Variants in RASA2 observed in about 807,000 individuals in gnomAD.
RASA2 encodes the protein RAS p21 protein activator 2.
RASA2 carries 155 observed loss-of-function variants against 118.2 expected under a neutral mutation model. The ratio of observed to expected loss-of-function variants is 1.31; its 90% CI spans 1.15 to 1.50. The LOEUF (loss-of-function observed/expected upper bound fraction) is 1.50. RASA2 is among the 40% of genes most tolerant of loss of function. The pLI is 0.00. For synonymous variants in RASA2, 353 were observed against 349.1 expected (o/e 1.01, Z -0.12); for missense variants, 1,016 against 1,009.6 (o/e 1.01, Z -0.09).
intron 16 of RASA2, 29 bp from the exon 17 acceptor site, chr3:141,581,071 A>T: frequency 6.7e-7 from 1 of 1,496,530 alleles, no homozygotes; most frequent in Non-Finnish European, 8.9e-7. Flanking sequence ...TATTTAACAC[A>T]TATAAACCCT....
chr3:141,554,842 G>A (rs958847971), intron 6 of RASA2, among the ~76,000 whole-genome samples: 1 of 152,098 alleles, frequency 6.6e-6, no homozygotes, highest in Non-Finnish European at 1.5e-5. Context: ...CTATTAGAGA[G>A]ATTTATTTTT....
chr3:141,495,056 A>G (rs2081683730), intron 1 of RASA2, among the ~76,000 whole-genome samples: 1 of 152,258 alleles, frequency 6.6e-6, no homozygotes. Flanking sequence ...TTAAAAGACA[A>G]TAGATTGGGA....
chr3:141,538,244 T>A (rs1560017128), intron 4 of RASA2, among the ~76,000 whole-genome samples: 1 of 152,220 alleles, frequency 6.6e-6, no homozygotes, highest in Non-Finnish European at 1.5e-5. Context: ...GATTTGAGTT[T>A]CTAAAACTGA....
intron 19 of RASA2, among the ~76,000 whole-genome samples, chr3:141,593,259 C>G (rs1448798305): frequency 6.6e-6 from 1 of 152,116 alleles, no homozygotes; most frequent in East Asian, 1.9e-4. Flanking sequence ...GTTGGTCAGT[C>G]TGGTCTTGAA....
At position 141,573,181 on chromosome 3, in the gene RASA2, C is replaced by A; in HGVS notation, c.1319C>A (p.Pro440His). Residue 440 changes from proline to histidine, a missense_variant, in exon 13 of 24, where the codon CCT (proline) becomes CAT (histidine). Coordinates refer to ENST00000286364, the MANE Select transcript of RASA2 (RefSeq NM_006506.5). ...TCCTCAAAATCCTGTGAAATCGATCCTATTAAATTGAAAGAGGGAGATAAT... is the reference window on the plus strand; with the variant it reads ...TCCTCAAAATCCTGTGAAATCGATCATATTAAATTGAAAGAGGGAGATAAT... ...CDSSKSCEID[P>H]IKLKEGDNVE... 6.5e-7 allele frequency: 1 copy of A among 1,539,490 alleles called. No homozygotes were observed. Among genetic ancestry groups the A allele is most frequent in the Non-Finnish European group, 8.7e-7 (1 of 1,153,450 alleles).
chr3:141,500,661 A>G (rs900915084), intron 1 of RASA2, among the ~76,000 whole-genome samples: 3 of 152,202 alleles, frequency 2.0e-5, no homozygotes, highest in Admixed American at 6.5e-5. Flanking sequence ...TGATACTCAT[A>G]AAGTATCTTT....
At chr3:141,558,728 C>T (rs541279179) in intron 7 of RASA2, among the ~76,000 whole-genome samples, 158 bp from the exon 8 acceptor site, 1 of 151,860 alleles carries the variant, frequency 6.6e-6, no homozygotes, top group Non-Finnish European at 1.5e-5. Flanking sequence ...TCTGCTACTT[C>T]CATAGTTGCT....
At chr3:141,501,252 C>T (rs954519068) in intron 1 of RASA2, among the ~76,000 whole-genome samples, 1 of 152,086 alleles carries the variant, frequency 6.6e-6, no homozygotes, top group Non-Finnish European at 1.5e-5. Context: ...TAATAGAAAT[C>T]CATTGATTCT....
chr3:141,548,636 T>G (rs1365843284), intron 5 of RASA2, among the ~76,000 whole-genome samples: 1 of 152,204 alleles, frequency 6.6e-6, no homozygotes, highest in Non-Finnish European at 1.5e-5. Context: ...CACATATGGC[T>G]TTCTTTGTGC....
At chr3:141,603,293 A>C (rs1372244812) in intron 19 of RASA2, among the ~76,000 whole-genome samples, 22 of 152,162 alleles carry the variant, frequency 1.4e-4, no homozygotes, top group Non-Finnish European at 2.9e-5. Context: ...AATTTAGGCC[A>C]GGCACAGTGG....
At chr3:141,569,046 CAT>C (rs2082869547) in intron 9 of RASA2, among the ~76,000 whole-genome samples, 1 of 151,978 alleles carries the variant, frequency 6.6e-6, no homozygotes, top group South Asian at 2.1e-4. Flanking sequence ...TAATAAAAGA[CAT>C]ATATAATACA....
In RASA2 at chr3:141,573,160, C is replaced by G. The variant is rs762605617; in HGVS notation, c.1298C>G (p.Ser433Ter). 1 of 1,548,140 alleles carries G rather than the reference C, an allele frequency of 6.5e-7. No homozygotes were observed. The highest frequency in any genetic ancestry group is 8.6e-7 in the Non-Finnish European group (1 of 1,156,394). ...TTTATTTTTCAGATATGTGACTCCTCAAAATCCTGTGAAATCGATCCTATT... is the reference window on the plus strand; with the variant it reads ...TTTATTTTTCAGATATGTGACTCCTGAAAATCCTGTGAAATCGATCCTATT... ...KPILDEICDS[S>*]KSCEIDPIKL... Residue 433 changes from serine to a stop codon, truncating the protein, a stop_gained, in exon 13 of 24, where the codon TCA becomes TGA. Coordinates refer to ENST00000286364, the MANE Select transcript of RASA2 (RefSeq NM_006506.5). LOFTEE classifies it high-confidence loss of function.
intron 3 of RASA2, among the ~76,000 whole-genome samples, chr3:141,528,811 A>G (rs538749744): frequency 6.6e-6 from 1 of 152,040 alleles, no homozygotes; most frequent in Non-Finnish European, 1.5e-5. Flanking sequence ...AAGGTATATC[A>G]TAAGTACAAG....
In RASA2 at chr3:141,516,322, TTCTA is replaced by T; in HGVS notation, c.252-5_252-2del. 6.5e-7 allele frequency: 1 copy of T among 1,546,558 alleles called. No homozygotes were observed. On this transcript the variant is annotated splice_acceptor_variant and splice_polypyrimidine_tract_variant and intron_variant, in intron 2 of 23. Transcript: ENST00000286364. LOFTEE classifies it high-confidence loss of function. ...TTGAAGTAATGAGCTTTCCTTTTCT[TTCTA>T]GCCCATTTTTCAGTGAAGAATTTTA...
Position 141,512,161 on chromosome 3 carries a change from A to T in RASA2, c.134-2A>T. On this transcript the variant is annotated splice_acceptor_variant, in intron 1 of 23. Coordinates refer to ENST00000286364, the MANE Select transcript of RASA2 (RefSeq NM_006506.5). LOFTEE classifies it high-confidence loss of function. ...TAACAATTTTAAATTTTATGCCAAC[A>T]GGTGAAGCAAAAAATTTATTGCCAT... 1 of 1,597,004 alleles carries T rather than the reference A, an allele frequency of 6.3e-7. No homozygotes were observed. Among genetic ancestry groups the T allele is most frequent in the Non-Finnish European group, 8.6e-7 (1 of 1,167,172 alleles).
intron 19 of RASA2, 101 bp from the exon 20 acceptor site, chr3:141,607,577 A>G (rs973036254): frequency 4.1e-6 from 5 of 1,208,362 alleles, no homozygotes; most frequent in African/African-American, 1.6e-5. Context: ...TTACACTCCT[A>G]CCATCAAGAG....
intron 20 of RASA2, among the ~76,000 whole-genome samples, chr3:141,608,264 A>C (rs970013150): frequency 2.6e-5 from 4 of 151,936 alleles, no homozygotes; most frequent in African/African-American, 4.8e-5. Context: ...ATTCCTTTGG[A>C]TATGTGTGGC....
intron 9 of RASA2, among the ~76,000 whole-genome samples, chr3:141,560,856 T>C (rs1054025013): frequency 2.0e-5 from 3 of 152,152 alleles, no homozygotes; most frequent in African/African-American, 7.2e-5. Context: ...GTGTTTCTTA[T>C]GGATATCAGT....
intron 5 of RASA2, among the ~76,000 whole-genome samples, chr3:141,548,003 T>G (rs944045526): frequency 6.6e-6 from 1 of 152,254 alleles, no homozygotes; most frequent in Admixed American, 6.5e-5. Flanking sequence ...TTTGCACATA[T>G]TGAACCATCC....
Sources: gnomAD v4.1 joint callset for allele counts (sites outside exome capture counted in the v4.1 genomes callset) on GRCh38, gnomAD v4.1.1 for gene constraint, MANE v1.5 for transcripts, NCBI Gene and HGNC (gene_info 2026-07-23, HGNC 2026-07-21) for gene names.